DLG2: variants seen among roughly 807,000 people sequenced by gnomAD.
DLG2 encodes discs large MAGUK scaffold protein 2, also known as disks large homolog 2.
Under a neutral mutation model 132.5 loss-of-function variants are expected in DLG2, and 45 were observed. That is an observed-to-expected ratio of 0.34 (90% CI 0.27 to 0.44). DLG2 has a LOEUF of 0.44. DLG2 is among the 20% of genes least tolerant of loss of function. The pLI is 1.00. For missense variants in DLG2, 1,045 were observed against 1,196.9 expected (o/e 0.87, Z 1.87); for synonymous variants, 424 against 419.6 (o/e 1.01, Z -0.13).
intron 8 of DLG2, among the ~76,000 whole-genome samples, chr11:84,225,452 G>T (rs138075474): frequency 6.6e-6 from 1 of 152,210 alleles, no homozygotes. Flanking sequence ...AAACCAGGAA[G>T]ATCTCGTGTC....
At position 83,457,260 on chromosome 11, in the gene DLG2, G is replaced by GTCA. The variant is rs1360020113; in HGVS notation, c.*2555_*2557dup. Reference sequence around the variant, plus strand: ...TAACTTTCATGCCATTTCCATACAAGTCATCAGATTTGCTGCAAAATACAC... The same window carrying GTCA: ...TAACTTTCATGCCATTTCCATACAAGTCATCATCAGATTTGCTGCAAAATACAC... On this transcript the variant is annotated 3_prime_UTR_variant, in exon 28 of 28. Coordinates refer to ENST00000376104, the MANE Select transcript of DLG2 (RefSeq NM_001142699.3). 7 of 152,620 alleles carry GTCA rather than the reference G, an allele frequency of 4.6e-5. No homozygotes were observed. The East Asian group carries it at 1.4e-3, about 29-fold the overall frequency. The allele number at this position is 152,620 out of a possible 1,614,324, so 9.5% of individuals were successfully genotyped here. A position where few individuals can be genotyped will look rare whatever the true frequency, so the allele number is the denominator to read the frequency against.
In DLG2 at chr11:83,552,415, G is replaced by A. The variant is rs191686107; in HGVS notation, c.1941-10557C>T. On this transcript the variant is annotated intron_variant, in intron 19 of 27. Coordinates refer to ENST00000376104, the MANE Select transcript of DLG2 (RefSeq NM_001142699.3). Reference sequence around the variant, plus strand: ...TGCAAAGCCTGTAAATACAGTTACAGTTGAGTCTCATATGTGCTATGTTAG... The same window carrying A: ...TGCAAAGCCTGTAAATACAGTTACAATTGAGTCTCATATGTGCTATGTTAG... Among the ~76,000 whole-genome samples, 4 of 152,278 alleles carry A rather than the reference G, an allele frequency of 2.6e-5. No individual in the cohort carries two copies. The South Asian group carries it at 8.3e-4, about 32-fold the overall frequency.
At chr11:84,763,730 G>A (rs778901422) in intron 6 of DLG2, among the ~76,000 whole-genome samples, 9 of 152,174 alleles carry the variant, frequency 5.9e-5, no homozygotes. Context: ...GTATACAGTA[G>A]TCATTCCACT....
At chr11:83,691,512 T>C (rs1454968315) in intron 18 of DLG2, among the ~76,000 whole-genome samples, 4 of 152,120 alleles carry the variant, frequency 2.6e-5, no homozygotes, top group Non-Finnish European at 5.9e-5. Context: ...GAGCTGAAAG[T>C]GATGAAAAGG....
chr11:84,357,598 T>C (rs1003409665), intron 7 of DLG2, among the ~76,000 whole-genome samples: 3 of 151,970 alleles, frequency 2.0e-5, no homozygotes, highest in African/African-American at 7.2e-5. Flanking sequence ...AACAAATAAA[T>C]TGTACTGCTA....
chr11:84,625,448 A>G (rs908487449), intron 6 of DLG2, among the ~76,000 whole-genome samples: 1 of 152,174 alleles, frequency 6.6e-6, no homozygotes, highest in African/African-American at 2.4e-5. Context: ...TTCTCTACTC[A>G]AGGTTACTCT....
intron 6 of DLG2, among the ~76,000 whole-genome samples, chr11:84,905,117 T>A (rs1218117215): frequency 6.6e-6 from 1 of 152,128 alleles, no homozygotes; most frequent in Non-Finnish European, 1.5e-5. Flanking sequence ...AACTCCTGGC[T>A]TCAGTGACTC....
At chr11:84,950,167 A>G (rs1392665240) in intron 6 of DLG2, among the ~76,000 whole-genome samples, 1 of 152,172 alleles carries the variant, frequency 6.6e-6, no homozygotes, top group African/African-American at 2.4e-5. Flanking sequence ...ACTGTCACTC[A>G]TATTTGTACA....
chr11:84,615,834 A>AAAAAAAAAAAAC (rs1565462349), intron 6 of DLG2, among the ~76,000 whole-genome samples: 24 of 147,338 alleles, frequency 1.6e-4, no homozygotes, highest in Middle Eastern at 3.4e-3. Context: ...AAAAAAAAAA[A>AAAAAAAAAAAAC]AAAAAACTTC....
intron 6 of DLG2, among the ~76,000 whole-genome samples, chr11:84,641,753 T>A (rs1425021770): frequency 1.3e-5 from 2 of 152,034 alleles, no homozygotes; most frequent in African/African-American, 4.8e-5. Context: ...ACCTAACTCA[T>A]CAGATTATGA....
At chr11:85,033,386 C>T in intron 6 of DLG2, among the ~76,000 whole-genome samples, 2 of 80,858 alleles carry the variant, frequency 2.5e-5, no homozygotes, top group Non-Finnish European at 5.3e-5. Context: ...TATATCCTAG[C>T]AAAAAAAAAA....
chr11:84,691,615 A>G (rs545508567), intron 6 of DLG2, among the ~76,000 whole-genome samples: 4 of 151,886 alleles, frequency 2.6e-5, no homozygotes, highest in African/African-American at 9.6e-5. Flanking sequence ...ATTTAGAAAT[A>G]GAAAAATAAT....
chr11:84,433,373 G>A (rs2098990588), intron 7 of DLG2, among the ~76,000 whole-genome samples: 1 of 152,154 alleles, frequency 6.6e-6, no homozygotes, highest in Non-Finnish European at 1.5e-5. Flanking sequence ...GCCTTTTAGA[G>A]TAAGACAATC....
In DLG2 at chr11:84,806,452, C is replaced by T. The variant is rs550107744; in HGVS notation, c.358-271721G>A. Among the ~76,000 whole-genome samples, 9 of 152,134 alleles carry T rather than the reference C, an allele frequency of 5.9e-5. No individual in the cohort carries two copies. The East Asian group carries it at 1.5e-3, about 26-fold the overall frequency. The stretch of plus-strand genomic sequence containing the variant: ...GCAGCAAGAGAGAAATGACATTTTA[C>T]CTATAGGGAAAAATCACTTTGAATG... On this transcript the variant is annotated intron_variant, in intron 6 of 27. Transcript: ENST00000376104.
At chr11:84,514,773 T>A (rs981935080) in intron 7 of DLG2, among the ~76,000 whole-genome samples, 1 of 151,848 alleles carries the variant, frequency 6.6e-6, no homozygotes, top group Non-Finnish European at 1.5e-5. Context: ...GGTACTAGAA[T>A]TAACGATCAT....
chr11:84,420,114 G>C lies in DLG2; in HGVS notation c.519+114456C>G, dbSNP rs1318383671. On this transcript the variant is annotated intron_variant, in intron 7 of 27. Coordinates refer to ENST00000376104, the MANE Select transcript of DLG2 (RefSeq NM_001142699.3). The stretch of plus-strand genomic sequence containing the variant: ...TAAACAGAAACAGGAGAAAAATCTT[G>C]TTCAACCAAAAGAAAATTATCACGT... 1.3e-5 allele frequency among the ~76,000 whole-genome samples: 2 copies of C among 152,166 alleles called. 1 individual carries two copies. The highest frequency in any genetic ancestry group is 3.9e-4 in the East Asian group (2 of 5,184).
chr11:85,541,571 C>T (rs1168236898), intron 3 of DLG2, among the ~76,000 whole-genome samples: 1 of 151,676 alleles, frequency 6.6e-6, no homozygotes, highest in African/African-American at 2.4e-5. Context: ...AAAACATCTC[C>T]AAACCCTTTG....
Position 84,022,424 on chromosome 11 carries a change from T to C in DLG2, c.919+36891A>G, listed in dbSNP as rs2095420971. Among the ~76,000 whole-genome samples the C allele has an allele frequency of 2.0e-5, 3 of 152,134 alleles. No homozygotes were observed. The South Asian group carries it at 6.2e-4, about 32-fold the overall frequency. On this transcript the variant is annotated intron_variant, in intron 11 of 27. Transcript: ENST00000376104. ...ATTTACTCCTGCAAAATGTGCTGGG[T>C]GAGCAGAAACACAGGAGGAAGTGTT...
At chr11:84,732,682 A>G (rs1293231678) in intron 6 of DLG2, among the ~76,000 whole-genome samples, 2 of 151,932 alleles carry the variant, frequency 1.3e-5, no homozygotes, top group East Asian at 1.9e-4. Flanking sequence ...TCTAGGGTAC[A>G]TGTGCACAAT....
Sources: allele counts gnomAD v4.1 joint callset (sites outside exome capture counted in the v4.1 genomes callset), GRCh38; gene constraint gnomAD v4.1.1; transcripts MANE v1.5; gene names NCBI Gene and HGNC (gene_info 2026-07-23, HGNC 2026-07-21).